Variants in GABRG2 observed in about 807,000 individuals in gnomAD.
GABRG2 encodes the protein gamma-aminobutyric acid receptor subunit gamma-2.
A neutral mutation model predicts 56.4 loss-of-function variants in GABRG2; 16 were observed. The observed-to-expected ratio is 0.28, with a 90% confidence interval of 0.19 to 0.43. The LOEUF is 0.43. Ranked by LOEUF, GABRG2 falls within the 20% of genes least tolerant of loss-of-function variation. The pLI is 1.00. For synonymous variants in GABRG2, 208 were observed against 205.5 expected (o/e 1.01, Z -0.10); for missense variants, 327 against 582.7 (o/e 0.56, Z 4.52).
At chr5:162,152,944 A>C in intron 9 of GABRG2, 149 bp from the exon 10 acceptor site, 1 of 946,886 alleles carries the variant, frequency 1.1e-6, no homozygotes, top group South Asian at 1.4e-5. Context: ...TTCTAAGTTC[A>C]ATTTTACCAT....
At chr5:162,086,251 C>A (rs141423110) in intron 1 of GABRG2, among the ~76,000 whole-genome samples, 29 of 152,058 alleles carry the variant, frequency 1.9e-4, no homozygotes, top group African/African-American at 7.0e-4. Flanking sequence ...AAGTTAATTT[C>A]CACAAATATT....
intron 7 of GABRG2, 52 bp downstream of exon 7, chr5:162,142,368 A>G (rs1454117310): frequency 6.4e-7 from 1 of 1,572,982 alleles, no homozygotes; most frequent in Non-Finnish European, 8.7e-7. Flanking sequence ...ACCAAATACA[A>G]GTAATTTTTA....
At chr5:162,070,022 T>C (rs1262964153) in intron 1 of GABRG2, among the ~76,000 whole-genome samples, 1 of 152,156 alleles carries the variant, frequency 6.6e-6, no homozygotes, top group East Asian at 1.9e-4. Flanking sequence ...TTCTCTCCAG[T>C]AACCCTATTT....
chr5:162,138,614 G>C (rs1310086047), intron 6 of GABRG2, among the ~76,000 whole-genome samples: 3 of 152,154 alleles, frequency 2.0e-5, no homozygotes, highest in Non-Finnish European at 4.4e-5. Context: ...GGAATGTAAA[G>C]AAGAGTACAA....
chr5:162,082,819 A>T (rs1310899570), intron 1 of GABRG2, among the ~76,000 whole-genome samples: 1 of 151,676 alleles, frequency 6.6e-6, no homozygotes, highest in Non-Finnish European at 1.5e-5. Context: ...AGAAGAAAAA[A>T]TAAGAAAAGA....
rs78404941 is a variant in GABRG2, at chr5:162,085,096, G to A, written c.108-8732G>A. ...CCAAGGTCATGCAGGTTATGAGGCC[G>A]TCAATATTGTATGTAGTGATATTTC... On this transcript the variant is annotated intron_variant, in intron 1 of 9. Coordinates refer to ENST00000639213, the MANE Select transcript of GABRG2 (RefSeq NM_198904.4). Among the ~76,000 whole-genome samples the A allele has an allele frequency of 4.5e-3, 677 of 151,970 alleles. 10 individuals are homozygous for A. Among genetic ancestry groups the A allele is most frequent in the African/African-American group, 0.015 (632 of 41,496 alleles).
chr5:162,134,895 C>T (rs76440821), intron 6 of GABRG2, among the ~76,000 whole-genome samples: 2,588 of 152,242 alleles, frequency 0.017, 89 homozygotes, highest in African/African-American at 0.06. Flanking sequence ...TATAGTTCTC[C>T]ACTCCTGCCC....
intron 1 of GABRG2, among the ~76,000 whole-genome samples, chr5:162,084,949 C>T (rs1172770850): frequency 6.6e-6 from 1 of 151,544 alleles, no homozygotes; most frequent in Non-Finnish European, 1.5e-5. Context: ...TGTATAAGTT[C>T]TACCATTTGA....
At chr5:162,120,925 T>C (rs1403145435) in intron 6 of GABRG2, among the ~76,000 whole-genome samples, 5 of 152,170 alleles carry the variant, frequency 3.3e-5, no homozygotes, top group African/African-American at 4.8e-5. Flanking sequence ...ACTTTGTTCA[T>C]TATTTGTTTA....
chr5:162,122,286 A>G (rs1763028442), intron 6 of GABRG2, among the ~76,000 whole-genome samples: 1 of 151,986 alleles, frequency 6.6e-6, no homozygotes, highest in African/African-American at 2.4e-5. Context: ...CATAGAACCT[A>G]TATCCTAATA....
Position 162,067,900 on chromosome 5 carries a change from G to T in GABRG2, c.-100G>T. The T allele has an allele frequency of 1.2e-6, 1 of 826,442 alleles. No homozygotes were observed. Among genetic ancestry groups the T allele is most frequent in the Non-Finnish European group, 2.1e-6 (1 of 485,632 alleles). The allele number at this position is 826,442 out of a possible 1,614,324, so 51.2% of individuals were successfully genotyped here. A position where few individuals can be genotyped will look rare whatever the true frequency, so the allele number is the denominator to read the frequency against. ...GAAGGACCTACTAGAGGCAGGTGGG[G>T]GGAGCCACCATCAGATCATAAGCAT... is the stretch of plus-strand genomic sequence containing the variant. On this transcript the variant is annotated 5_prime_UTR_variant, in exon 1 of 10. Coordinates refer to ENST00000639213, the MANE Select transcript of GABRG2 (RefSeq NM_198904.4).
chr5:162,155,242 C>T lies in GABRG2; in HGVS notation c.*1874C>T, dbSNP rs537576088. 1.3e-5 allele frequency: 2 copies of T among 152,358 alleles called. No homozygotes were observed. Among genetic ancestry groups the T allele is most frequent in the Non-Finnish European group, 2.9e-5 (2 of 67,986 alleles). 9.4% of individuals were successfully genotyped at this position (152,358 alleles called of 1,614,324 possible). A position where few individuals can be genotyped will look rare whatever the true frequency, so the allele number is the denominator to read the frequency against. ...AAATGTAAATAGAACGAATTATTTT[C>T]TTGTTTTGAATTGTCAATATATTAA... is the stretch of plus-strand genomic sequence containing the variant. On this transcript the variant is annotated 3_prime_UTR_variant, in exon 10 of 10. Transcript: ENST00000639213.
chr5:162,148,263 G>C (rs558704521), intron 7 of GABRG2, among the ~76,000 whole-genome samples: 5 of 152,148 alleles, frequency 3.3e-5, no homozygotes, highest in Non-Finnish European at 7.4e-5. Flanking sequence ...ATGTGGTACT[G>C]GTCCTTTAGC....
chr5:162,100,869 A>G (rs1452121221), intron 4 of GABRG2, among the ~76,000 whole-genome samples: 2 of 152,188 alleles, frequency 1.3e-5, no homozygotes, highest in Non-Finnish European at 2.9e-5. Flanking sequence ...TTTACAAGCA[A>G]ACAGTAAACG....
chr5:162,095,357 A>G, intron 2 of GABRG2, 138 bp from the exon 3 acceptor site: 1 of 666,666 alleles, frequency 1.5e-6, no homozygotes, highest in Non-Finnish European at 2.7e-6. Context: ...AATGTGGTGA[A>G]TTAGTAACTG....
At chr5:162,139,339 T>G (rs1020330108) in intron 6 of GABRG2, among the ~76,000 whole-genome samples, 1 of 152,202 alleles carries the variant, frequency 6.6e-6, no homozygotes. Flanking sequence ...GATTTGATTT[T>G]ATAGGCTCTT....
At chr5:162,097,119 G>A (rs1368021338) in intron 3 of GABRG2, among the ~76,000 whole-genome samples, 2 of 151,948 alleles carry the variant, frequency 1.3e-5, no homozygotes, top group East Asian at 1.9e-4. Context: ...TGCATATTCT[G>A]TACTTTGTTT....
Position 162,095,503 on chromosome 5 carries a change from A to G in GABRG2, c.268A>G (p.Thr90Ala). ...KLRPDIGVKP[T>A]LIHTDMYVNS... Reference sequence around the variant, plus strand: ...TATGTTTCTCTTTACAGTGAAGCCAACGTTAATTCACACAGACATGTATGT... The same window carrying G: ...TATGTTTCTCTTTACAGTGAAGCCAGCGTTAATTCACACAGACATGTATGT... The change falls in exon 3 of 10, where the codon ACG (threonine) becomes GCG (alanine). Residue 90 changes from threonine (T) to alanine (A), a missense_variant. Thr to Ala is a moderately conservative substitution (Grantham distance 58). Transcript: ENST00000639213. 1 of 1,604,918 alleles carries G rather than the reference A, an allele frequency of 6.2e-7. No individual in the cohort carries two copies.
chr5:162,095,457 C>T (rs1561642293), intron 2 of GABRG2, 38 bp from the exon 3 acceptor site: 2 of 1,259,150 alleles, frequency 1.6e-6, no homozygotes, highest in Non-Finnish European at 1.2e-6. Context: ...AATCTTGCAC[C>T]TCTCTATGTG....
Sources: allele counts gnomAD v4.1 joint callset (sites outside exome capture counted in the v4.1 genomes callset), GRCh38; gene constraint gnomAD v4.1.1; transcripts MANE v1.5; gene names NCBI Gene and HGNC (gene_info 2026-07-23, HGNC 2026-07-21).